RGS7BP: variants seen among roughly 807,000 people sequenced by gnomAD.
RGS7BP encodes regulator of G protein signaling 7 binding protein, also known as regulator of G protein signaling 7-binding protein.
Under a neutral mutation model 31.3 loss-of-function variants are expected in RGS7BP, and 9 were observed. The observed-to-expected ratio is 0.29, with a 90% CI of 0.17 to 0.50. RGS7BP has a LOEUF of 0.50. Among genes scored for constraint, RGS7BP ranks in the 20% least tolerant of loss-of-function variants. RGS7BP has a pLI of 0.98. For synonymous variants in RGS7BP, 115 were observed against 120.1 expected, an observed-to-expected ratio of 0.96 and a Z score of 0.28; for missense variants, 274 against 322.0, an observed-to-expected ratio of 0.85 and a Z score of 1.14.
intron 2 of RGS7BP, among the ~76,000 whole-genome samples, chr5:64,509,314 A>C (rs1229774385): frequency 6.6e-6 from 1 of 152,204 alleles, no homozygotes; most frequent in Non-Finnish European, 1.5e-5. Context: ...AAGGCTAAGG[A>C]GTAGCAACTC....
chr5:64,603,307 A>C (rs553635794), intron 5 of RGS7BP, among the ~76,000 whole-genome samples: 1 of 152,338 alleles, frequency 6.6e-6, no homozygotes, highest in Admixed American at 6.5e-5. Flanking sequence ...TTGGTCACCA[A>C]GTTAGAGACA....
rs536216702 is a variant in RGS7BP at position 64,583,743 on chromosome 5, A to G, written c.463+7839A>G. Among the ~76,000 whole-genome samples the G allele has an allele frequency of 2.0e-5, 3 of 152,356 alleles. No homozygotes were observed. In the East Asian group the frequency reaches 5.8e-4, roughly 29 times the overall value. On this transcript the variant is annotated intron_variant, in intron 3 of 5. Transcript: ENST00000334025. Reference sequence around the variant, plus strand: ...CGTATTACCAATGACCAGAATAAGCATGTAGTGTTTGAAGAATATAAACAT... The same window carrying G: ...CGTATTACCAATGACCAGAATAAGCGTGTAGTGTTTGAAGAATATAAACAT...
At chr5:64,509,037 C>A (rs904628427) in intron 2 of RGS7BP, among the ~76,000 whole-genome samples, 2 of 151,982 alleles carry the variant, frequency 1.3e-5, no homozygotes, top group Non-Finnish European at 2.9e-5. Context: ...ATGTTATAAC[C>A]ATATTTTATT....
Position 64,533,117 on chromosome 5 carries a change from C to A in RGS7BP, c.332+25240C>A, listed in dbSNP as rs550066665. ...CCTCTTGCTATGGCCCAGGTGATGA[C>A]CATACCAGCTTCTCAGTTGGACCAC... On this transcript the variant is annotated intron_variant, in intron 2 of 5. Transcript: ENST00000334025. Among the ~76,000 whole-genome samples the A allele has an allele frequency of 4.6e-5, 7 of 152,306 alleles. No homozygotes were observed. In the East Asian group the frequency reaches 1.4e-3, roughly 29 times the overall value.
At chr5:64,566,203 AC>A (rs1742165194) in intron 2 of RGS7BP, among the ~76,000 whole-genome samples, 1 of 152,022 alleles carries the variant, frequency 6.6e-6, no homozygotes, top group Admixed American at 6.6e-5. Flanking sequence ...CCAACTTACT[AC>A]CCTCTTCCTA....
intron 2 of RGS7BP, among the ~76,000 whole-genome samples, chr5:64,569,849 A>ATTT (rs1441083130): frequency 6.6e-6 from 1 of 152,226 alleles, no homozygotes; most frequent in Admixed American, 6.5e-5. Context: ...GCTCTAAAAA[A>ATTT]TAAAGCAAAT....
At chr5:64,574,884 A>T (rs1455232562) in intron 2 of RGS7BP, among the ~76,000 whole-genome samples, 1 of 152,170 alleles carries the variant, frequency 6.6e-6, no homozygotes, top group Non-Finnish European at 1.5e-5. Context: ...AGTAAAGTTA[A>T]CTCATTAAGA....
intron 4 of RGS7BP, among the ~76,000 whole-genome samples, chr5:64,597,475 T>C (rs4432837): frequency 0.17 from 25,525 of 151,782 alleles, 2,691 homozygotes; most frequent in African/African-American, 0.3. Flanking sequence ...AGGAGCTCTT[T>C]TCTGGAAGTT....
At chr5:64,588,038 T>C (rs1417475244) in intron 3 of RGS7BP, among the ~76,000 whole-genome samples, 1 of 152,154 alleles carries the variant, frequency 6.6e-6, no homozygotes, top group East Asian at 1.9e-4. Context: ...AAATGATTAA[T>C]ACTTGAAGAA....
intron 2 of RGS7BP, among the ~76,000 whole-genome samples, chr5:64,517,042 G>C (rs545383643): frequency 1.3e-5 from 2 of 150,426 alleles, no homozygotes; most frequent in South Asian, 4.2e-4. Flanking sequence ...AAAAGTCCTA[G>C]GTTGGGCAAT....
intron 3 of RGS7BP, among the ~76,000 whole-genome samples, chr5:64,584,894 G>A (rs1742701416): frequency 6.6e-6 from 1 of 152,138 alleles, no homozygotes; most frequent in Non-Finnish European, 1.5e-5. Context: ...ATGGGTAAAT[G>A]ACTAACTGAA....
intron 5 of RGS7BP, 112 bp downstream of exon 5, chr5:64,598,547 A>G: frequency 1.4e-6 from 1 of 734,408 alleles, no homozygotes; most frequent in South Asian, 1.5e-5. Context: ...GAAGGCATTG[A>G]GCATTCATTA....
At chr5:64,507,660 T>C in intron 1 of RGS7BP, 51 bp from the exon 2 acceptor site, 1 of 1,519,446 alleles carries the variant, frequency 6.6e-7, no homozygotes, top group Admixed American at 2.1e-5. Flanking sequence ...AACAGGAAAC[T>C]TTCTGATGAG....
intron 4 of RGS7BP, 82 bp downstream of exon 4, chr5:64,594,939 T>A (rs1743025581): frequency 7.0e-7 from 1 of 1,431,276 alleles, no homozygotes; most frequent in Non-Finnish European, 9.7e-7. Flanking sequence ...CGAGGTTTTC[T>A]AGTTCAGATT....
intron 2 of RGS7BP, 33 bp from the exon 3 acceptor site, chr5:64,575,741 T>C (rs1742402708): frequency 1.1e-5 from 17 of 1,579,802 alleles, no homozygotes; most frequent in Non-Finnish European, 1.4e-5. Flanking sequence ...ATCTTGAGAA[T>C]GTTCACAGCT....
Position 64,597,306 on chromosome 5 carries a change from G to A in RGS7BP, c.612-1059G>A, listed in dbSNP as rs1561349125. On this transcript the variant is annotated intron_variant, in intron 4 of 5. Coordinates refer to ENST00000334025, the MANE Select transcript of RGS7BP (RefSeq NM_001029875.3). ...TATGACCATGCATGCTCTGAGATGA[G>A]GGAAGATATTGGATGTATGCAGTGG... Among the ~76,000 whole-genome samples, 4 of 151,906 alleles carry A rather than the reference G, an allele frequency of 2.6e-5. 1 individual carries two copies. Among genetic ancestry groups the A allele is most frequent in the South Asian group, 4.2e-4 (2 of 4,818 alleles).
At chr5:64,554,725 T>G (rs1166347725) in intron 2 of RGS7BP, among the ~76,000 whole-genome samples, 1 of 152,186 alleles carries the variant, frequency 6.6e-6, no homozygotes, top group Non-Finnish European at 1.5e-5. Context: ...CAGCAGGATT[T>G]AATCCTTCAA....
At chr5:64,561,746 A>G (rs1035607045) in intron 2 of RGS7BP, among the ~76,000 whole-genome samples, 1 of 152,140 alleles carries the variant, frequency 6.6e-6, no homozygotes, top group African/African-American at 2.4e-5. Flanking sequence ...TCACTAAATG[A>G]TCTTACATAA....
intron 3 of RGS7BP, 55 bp from the exon 4 acceptor site, chr5:64,594,655 C>T: frequency 6.3e-7 from 1 of 1,582,106 alleles, no homozygotes; most frequent in South Asian, 1.1e-5. Context: ...CATATAGAAC[C>T]TGCCTTTATG....
Sources: gnomAD v4.1 joint callset for allele counts (sites outside exome capture counted in the v4.1 genomes callset) on GRCh38, gnomAD v4.1.1 for gene constraint, MANE v1.5 for transcripts, NCBI Gene and HGNC (gene_info 2026-07-23, HGNC 2026-07-21) for gene names.